Variants in NHS observed in about 807,000 individuals in gnomAD.
NHS encodes the protein NHS actin remodeling regulator.
A neutral mutation model predicts 72.5 loss-of-function variants in NHS; 5 were observed. That is an observed-to-expected ratio of 0.07 (90% confidence interval 0.04 to 0.14). NHS has a LOEUF of 0.14. Ranked by LOEUF, NHS falls within the 10% of genes least tolerant of loss-of-function variation. NHS has a pLI of 1.00. For synonymous variants in NHS, 464 were observed against 547.7 expected, an observed-to-expected ratio of 0.85 and a Z score of 2.13; for missense variants, 1,072 against 1,355.7, an observed-to-expected ratio of 0.79 and a Z score of 3.29.
chrX:17,531,057 C>A (rs2146942751), intron 1 of NHS, among the ~76,000 whole-genome samples: 1 of 111,990 alleles, frequency 8.9e-6, no homozygotes, highest in South Asian at 3.8e-4. Context: ...GGAACCCTGG[C>A]CCTTCTGGCA....
intron 1 of NHS, among the ~76,000 whole-genome samples, chrX:17,627,534 T>G (rs888149376): frequency 8.9e-6 from 1 of 111,869 alleles, no homozygotes; most frequent in African/African-American, 3.3e-5. Flanking sequence ...ACATTTGGAT[T>G]GGGGAAGCCA....
intron 1 of NHS, among the ~76,000 whole-genome samples, chrX:17,612,852 A>G (rs1000872350): frequency 2.8e-5 from 3 of 107,449 alleles, no homozygotes; most frequent in African/African-American, 1.0e-4. Flanking sequence ...CACCTATACC[A>G]CTCTCTTGTT....
intron 1 of NHS, among the ~76,000 whole-genome samples, chrX:17,647,401 A>G (rs1347066215): frequency 8.9e-6 from 1 of 112,244 alleles, no homozygotes; most frequent in Non-Finnish European, 1.9e-5. Flanking sequence ...TTAAGTACTT[A>G]GTTGTAACTT....
At chrX:17,666,943 A>G (rs754084360) in intron 1 of NHS, among the ~76,000 whole-genome samples, 5 of 112,149 alleles carry the variant, frequency 4.5e-5, no homozygotes, top group Non-Finnish European at 7.5e-5. Flanking sequence ...TTTGGCCCCC[A>G]TAGAACTGCT....
chrX:17,695,510 A>G (rs2066223165), intron 3 of NHS, among the ~76,000 whole-genome samples: 2 of 112,063 alleles, frequency 1.8e-5, no homozygotes, highest in Admixed American at 1.9e-4. Context: ...ACGAGTGTAT[A>G]TGTATGTGTA....
At chrX:17,389,599 T>TTATTTATG (rs1221730396) in intron 1 of NHS, among the ~76,000 whole-genome samples, 11 of 107,919 alleles carry the variant, frequency 1.0e-4, no homozygotes, top group Middle Eastern at 4.7e-3. Flanking sequence ...ATTTATTTAT[T>TTATTTATG]TATTTATTTA....
In NHS at chrX:17,726,558, T is replaced by C; in HGVS notation, c.2452T>C (p.Ser818Pro). 2 of 1,211,835 alleles carry C rather than the reference T, an allele frequency of 1.7e-6. No homozygotes were observed. Among genetic ancestry groups the C allele is most frequent in the Admixed American group, 2.2e-5 (1 of 46,054 alleles). Residue 818 changes from serine (S) to proline (P), a missense_variant, in exon 7 of 9, where the codon TCC (serine) becomes CCC (proline). Ser to Pro is a moderately conservative substitution (Grantham distance 74). Transcript: ENST00000676302. Reference protein sequence around the residue: ...GPENGQGVGASPGLPDCAWQD... With the variant: ...GPENGQGVGAPPGLPDCAWQD... ...AGAGAATGGCCAGGGTGTAGGGGCTTCCCCTGGTCTTCCAGATTGTGCCTG... is the reference window on the plus strand; with the variant it reads ...AGAGAATGGCCAGGGTGTAGGGGCTCCCCCTGGTCTTCCAGATTGTGCCTG...
chrX:17,434,819 C>A (rs368768339), intron 1 of NHS, among the ~76,000 whole-genome samples: 2 of 111,813 alleles, frequency 1.8e-5, no homozygotes, highest in African/African-American at 6.5e-5. Flanking sequence ...GCAAGCAATA[C>A]CCAGAAGCAG....
intron 1 of NHS, among the ~76,000 whole-genome samples, chrX:17,405,756 G>C (rs948047879): frequency 1.8e-5 from 2 of 112,640 alleles, no homozygotes; most frequent in African/African-American, 6.5e-5. Context: ...CTCGTAGGTT[G>C]ATGGAAGCAG....
chrX:17,454,557 G>T (rs1428859448), intron 1 of NHS, among the ~76,000 whole-genome samples: 24 of 112,364 alleles, frequency 2.1e-4, no homozygotes. Flanking sequence ...TTGGTGAAAA[G>T]AACTCAAGTT....
At chrX:17,630,708 A>G (rs1173337646) in intron 1 of NHS, among the ~76,000 whole-genome samples, 1 of 111,731 alleles carries the variant, frequency 9.0e-6, no homozygotes, top group African/African-American at 3.3e-5. Context: ...CCCTTCTACT[A>G]AGAGCACTCC....
At chrX:17,661,968 C>T (rs1401325171) in intron 1 of NHS, among the ~76,000 whole-genome samples, 1 of 112,154 alleles carries the variant, frequency 8.9e-6, no homozygotes, top group African/African-American at 3.2e-5. Context: ...ATGGGATGGG[C>T]TGAGCCTTTG....
intron 1 of NHS, among the ~76,000 whole-genome samples, chrX:17,439,860 C>T (rs1430473633): frequency 4.5e-5 from 5 of 112,190 alleles, no homozygotes; most frequent in African/African-American, 1.3e-4. Context: ...ATAGAATCAA[C>T]GGCTTTGGAA....
chrX:17,725,281 T>A, intron 6 of NHS, 66 bp from the exon 7 acceptor site: 1 of 1,063,109 alleles, frequency 9.4e-7, no homozygotes, highest in South Asian at 1.9e-5. Flanking sequence ...TCTACAGACA[T>A]AGCTCAGAAT....
rs1050164541 is a variant in NHS, at chrX:17,716,851, G to T, written c.853-2493G>T. Among the ~76,000 whole-genome samples, 14 of 110,990 alleles carry T rather than the reference G, an allele frequency of 1.3e-4. No homozygotes were observed. In the South Asian group the frequency reaches 5.0e-3, roughly 40 times the overall value. On this transcript the variant is annotated intron_variant, in intron 3 of 8. Coordinates refer to ENST00000676302, the MANE Select transcript of NHS (RefSeq NM_001291867.2). ...TCCTTGCTTCCATCAGAGGAAGCAA[G>T]GATCACTGGCAGTTTCCTCTACTTG... is the stretch of plus-strand genomic sequence containing the variant.
At chrX:17,714,961 C>T (rs1271888633) in intron 3 of NHS, among the ~76,000 whole-genome samples, 1 of 112,326 alleles carries the variant, frequency 8.9e-6, no homozygotes, top group East Asian at 2.8e-4. Flanking sequence ...ATACTCAGAA[C>T]AATCTTACTT....
intron 1 of NHS, among the ~76,000 whole-genome samples, chrX:17,506,739 A>G (rs994607408): frequency 1.8e-5 from 2 of 110,785 alleles, no homozygotes; most frequent in Admixed American, 9.7e-5. Flanking sequence ...TCTAGCATCT[A>G]TTCTCACATC....
At chrX:17,723,739 G>GTGTGTGTGTGTGTGTGTGTGTGTGTGTA (rs2066419964) in intron 5 of NHS, among the ~76,000 whole-genome samples, 1 of 90,308 alleles carries the variant, frequency 1.1e-5, no homozygotes, top group African/African-American at 5.2e-5. Flanking sequence ...GTGTGTGTGT[G>GTGTGTGTGTGTGTGTGTGTGTGTGTGTA]TGTGTGTGTG....
intron 1 of NHS, among the ~76,000 whole-genome samples, chrX:17,426,383 C>T (rs964698756): frequency 2.9e-4 from 32 of 111,263 alleles, no homozygotes; most frequent in Non-Finnish European, 4.9e-4. Context: ...AGGCAGACTA[C>T]CCCTTGTTCT....
Sources: allele counts gnomAD v4.1 joint callset (sites outside exome capture counted in the v4.1 genomes callset), GRCh38; gene constraint gnomAD v4.1.1; transcripts MANE v1.5; gene names NCBI Gene and HGNC (gene_info 2026-07-23, HGNC 2026-07-21).